Variants in GPATCH1 observed in about 807,000 individuals in gnomAD.
GPATCH1 encodes G-patch domain containing 1, also known as G patch domain-containing protein 1.
A neutral mutation model predicts 114.9 loss-of-function variants in GPATCH1; 73 were observed. The observed-to-expected ratio is 0.64, with a 90% CI of 0.53 to 0.77. The LOEUF (loss-of-function observed/expected upper bound fraction) is 0.77, where lower values mean the gene tolerates loss of function less well. Among genes scored for constraint, GPATCH1 ranks in the 30% least tolerant of loss-of-function variants. GPATCH1 has a pLI of 0.00. For synonymous variants in GPATCH1, 391 were observed against 428.4 expected (o/e 0.91, Z 1.08); for missense variants, 1,058 against 1,144.3 (o/e 0.92, Z 1.09).
intron 9 of GPATCH1, among the ~76,000 whole-genome samples, chr19:33,103,600 C>G (rs1195019644): frequency 6.6e-6 from 1 of 151,896 alleles, no homozygotes; most frequent in Non-Finnish European, 1.5e-5. Flanking sequence ...ACTTGGGAGG[C>G]TGAGGCAGGA....
chr19:33,124,077 C>T (rs1461016267), intron 17 of GPATCH1, among the ~76,000 whole-genome samples: 2 of 152,168 alleles, frequency 1.3e-5, no homozygotes, highest in South Asian at 4.2e-4. Flanking sequence ...TGATTTTGAA[C>T]TCCTGACCTC....
Position 33,081,201 on chromosome 19 carries a change from C to A in GPATCH1, c.8C>A (p.Ala3Glu). The change falls in exon 1 of 20, where the codon GCG becomes GAG. Residue 3 changes from alanine to glutamate, a missense_variant. Ala to Glu is a moderately radical substitution (Grantham distance 107, BLOSUM62 -1). Coordinates refer to ENST00000170564, the MANE Select transcript of GPATCH1 (RefSeq NM_018025.3). The part of the protein sequence containing the change: MA[A>E]RDSDSEEDLV... ...GGGGCCCGGAAGAGCAGGATGGCGG[C>A]GCGGGACAGTGACAGCGAAGAAGAT... 6.4e-7 allele frequency: 1 copy of A among 1,551,210 alleles called. No individual in the cohort carries two copies. Among genetic ancestry groups the A allele is most frequent in the Non-Finnish European group, 8.7e-7 (1 of 1,146,836 alleles).
intron 7 of GPATCH1, among the ~76,000 whole-genome samples, chr19:33,096,685 GTGGTGCGATC>G (rs1568340920): frequency 2.0e-5 from 3 of 151,100 alleles, no homozygotes; most frequent in African/African-American, 7.3e-5. Flanking sequence ...CTGGAGTGCA[GTGGTGCGATC>G]TTGGCTTACT....
chr19:33,114,133 C>T (rs928693726), intron 14 of GPATCH1, 120 bp from the exon 15 acceptor site: 21 of 1,027,920 alleles, frequency 2.0e-5, no homozygotes, highest in Non-Finnish European at 3.1e-5. Flanking sequence ...CCCCAGGACC[C>T]TACACAGTGC....
intron 2 of GPATCH1, among the ~76,000 whole-genome samples, chr19:33,089,811 GGTTTCACCAT>G (rs1265861388): frequency 5.9e-5 from 9 of 151,930 alleles, no homozygotes; most frequent in African/African-American, 2.2e-4. Context: ...GTAGAGATGG[GGTTTCACCAT>G]GTTGTTCAGG....
chr19:33,125,151 G>C lies in GPATCH1; in HGVS notation c.2568G>C (p.Lys856Asn). 6.2e-7 allele frequency: 1 copy of C among 1,600,412 alleles called. No homozygotes were observed. Among genetic ancestry groups the C allele is most frequent in the Non-Finnish European group, 8.5e-7 (1 of 1,173,148 alleles). Reference protein sequence around the residue: ...LEVPQKEKHKKNKDKHKAKKE... With the variant: ...LEVPQKEKHKNNKDKHKAKKE... ...TTCCTCAAAAAGAGAAACATAAAAA[G>C]AACAAAGACAAGCACAAGGCCAAGA... The change falls in exon 18 of 20, where the codon AAG becomes AAC. Residue 856 changes from lysine to asparagine, a missense_variant. Physicochemically the swap from Lys to Asn is moderately conservative, Grantham distance 94 (BLOSUM62 0). Around this residue, in one of 3 missense-constraint regions of GPATCH1, gnomAD observed 893 missense variants for 977.4 expected, o/e 0.91. Transcript: ENST00000170564.
intron 2 of GPATCH1, 64 bp downstream of exon 2, chr19:33,088,332 C>A: frequency 8.3e-7 from 1 of 1,206,766 alleles, no homozygotes; most frequent in Non-Finnish European, 1.2e-6. Flanking sequence ...TTGATTCTCC[C>A]TCACCCTTGC....
rs1316672250 is a variant in GPATCH1 at position 33,117,884 on chromosome 19, C to T, written c.2256C>T (p.Asp752=). 6.2e-7 allele frequency: 1 copy of T among 1,614,030 alleles called. No homozygotes were observed. Among genetic ancestry groups the T allele is most frequent in the Non-Finnish European group, 8.5e-7 (1 of 1,179,962 alleles). The part of the protein sequence containing the change: ...AEGEGSRPSM[D]LFRAIFASSS... ...GAGAAGGGAGCCGCCCATCCATGGA[C>T]TTATTCAGGGCCATCTTTGCCAGTT... Residue 752 remains aspartate, a synonymous_variant, in exon 16 of 20, where the codon GAC becomes GAT. Transcript: ENST00000170564.
chr19:33,111,425 A>G (rs976942437), intron 11 of GPATCH1, among the ~76,000 whole-genome samples: 6 of 148,814 alleles, frequency 4.0e-5, no homozygotes, highest in African/African-American at 1.5e-4. Flanking sequence ...GGGTTTCACC[A>G]TGTTTGCCAG....
rs911972296 is a variant in GPATCH1, at chr19:33,102,274, G to A, written c.1080+700G>A. ...TGCTTGAACCTGGGTGGCAGAGGTTGCAGCGAGCCAAGATCGCACCATTGC... is the reference window on the plus strand; with the variant it reads ...TGCTTGAACCTGGGTGGCAGAGGTTACAGCGAGCCAAGATCGCACCATTGC... On this transcript the variant is annotated intron_variant, in intron 9 of 19. Transcript: ENST00000170564. 7.9e-5 allele frequency among the ~76,000 whole-genome samples: 12 copies of A among 151,118 alleles called. No homozygotes were observed. In the South Asian group the frequency reaches 2.1e-3, roughly 27 times the overall value.
intron 5 of GPATCH1, among the ~76,000 whole-genome samples, chr19:33,094,828 A>G (rs1972637521): frequency 1.3e-5 from 2 of 152,164 alleles, no homozygotes; most frequent in South Asian, 2.1e-4. Context: ...AGTATTGGTT[A>G]CTCATTGAGC....
intron 8 of GPATCH1, among the ~76,000 whole-genome samples, chr19:33,098,358 G>A (rs1171861138): frequency 1.3e-5 from 2 of 152,232 alleles, no homozygotes; most frequent in Non-Finnish European, 2.9e-5. Context: ...TCTCCCTTGA[G>A]TCCCTGGCTC....
intron 19 of GPATCH1, among the ~76,000 whole-genome samples, chr19:33,128,236 C>T (rs59272559): frequency 0.021 from 3,143 of 151,954 alleles, 94 homozygotes; most frequent in African/African-American, 0.073. Flanking sequence ...TGTAAGTGTG[C>T]ACCACCACAC....
intron 10 of GPATCH1, among the ~76,000 whole-genome samples, chr19:33,109,128 G>A (rs1972820106): frequency 6.6e-6 from 1 of 152,034 alleles, no homozygotes. Flanking sequence ...GAGGTGGGAG[G>A]ATCACTTGAG....
intron 6 of GPATCH1, 45 bp from the exon 7 acceptor site, chr19:33,096,162 G>A: frequency 1.9e-6 from 3 of 1,593,540 alleles, no homozygotes; most frequent in Non-Finnish European, 2.6e-6. Flanking sequence ...GGTTTACTTT[G>A]CATCCTTCAG....
intron 17 of GPATCH1, among the ~76,000 whole-genome samples, chr19:33,123,924 G>A (rs1973012656): frequency 6.6e-6 from 1 of 151,570 alleles, no homozygotes. Flanking sequence ...CACGATCTCG[G>A]CTCACTGCAG....
intron 19 of GPATCH1, 36 bp downstream of exon 19, chr19:33,126,769 T>G (rs748767238): frequency 1.3e-6 from 2 of 1,524,406 alleles, no homozygotes; most frequent in South Asian, 2.3e-5. Context: ...TTCAGAAACC[T>G]TTAGAGGCTT....
At chr19:33,097,923 C>T in intron 8 of GPATCH1, 21 bp downstream of exon 8, 1 of 1,611,676 alleles carries the variant, frequency 6.2e-7, no homozygotes, top group South Asian at 1.1e-5. Context: ...AGCCACAAAC[C>T]TAATGGCAGG....
intron 1 of GPATCH1, among the ~76,000 whole-genome samples, chr19:33,085,118 T>C (rs547897797): frequency 2.2e-4 from 34 of 152,338 alleles, no homozygotes; most frequent in African/African-American, 8.2e-4. Flanking sequence ...TCTTCTCTGC[T>C]GGGCTCGGAG....
Sources: gnomAD v4.1 joint callset for allele counts (sites outside exome capture counted in the v4.1 genomes callset) on GRCh38, gnomAD v4.1.1 for gene constraint, gnomAD v4.1.1 regional missense constraint, MANE v1.5 for transcripts, NCBI Gene and HGNC (gene_info 2026-07-23, HGNC 2026-07-21) for gene names.